Variants in MTHFD1 observed in about 807,000 individuals in gnomAD.
MTHFD1 encodes C-1-tetrahydrofolate synthase, cytoplasmic.
A neutral mutation model predicts 110.3 loss-of-function variants in MTHFD1; 44 were observed. The ratio of observed to expected loss-of-function variants is 0.40; its 90% CI spans 0.31 to 0.51. MTHFD1 has a LOEUF of 0.51. MTHFD1 is among the 20% of genes least tolerant of loss of function. The probability of loss-of-function intolerance (pLI) is 0.60; values close to 1 mark genes in which losing one functional copy is unlikely to be tolerated. For synonymous variants in MTHFD1, 402 were observed against 428.8 expected (o/e 0.94, Z 0.77); for missense variants, 909 against 1,173.1 (o/e 0.77, Z 3.29).
chr14:64,411,399 C>T (rs565935116), intron 3 of MTHFD1, among the ~76,000 whole-genome samples: 30 of 152,246 alleles, frequency 2.0e-4, no homozygotes, highest in Non-Finnish European at 2.9e-4. Context: ...TGACAAGTCT[C>T]GATCATTTTA....
chr14:64,444,088 C>T (rs913448244), intron 21 of MTHFD1, among the ~76,000 whole-genome samples: 3 of 150,800 alleles, frequency 2.0e-5, no homozygotes, highest in African/African-American at 4.9e-5. Context: ...AGGGCTGAGC[C>T]ACGGCATAGA....
Position 64,435,559 on chromosome 14 carries a change from A to G in MTHFD1, c.1495-10A>G. On this transcript the variant is annotated splice_polypyrimidine_tract_variant and intron_variant, in intron 15 of 27. Transcript: ENST00000652337. Reference sequence around the variant, plus strand: ...TCTTATTTTATGTTTTCATTTTCCTACACTTTCAGAGACTAGGCATTGAAA... The same window carrying G: ...TCTTATTTTATGTTTTCATTTTCCTGCACTTTCAGAGACTAGGCATTGAAA... 6.5e-7 allele frequency: 1 copy of G among 1,538,996 alleles called. No homozygotes were observed. Among genetic ancestry groups the G allele is most frequent in the Non-Finnish European group, 9.0e-7 (1 of 1,111,882 alleles).
Position 64,417,845 on chromosome 14 carries a change from G to C in MTHFD1, c.479-43G>C, listed in dbSNP as rs767222720. On this transcript the variant is annotated intron_variant, in intron 6 of 27. Coordinates refer to ENST00000652337, the MANE Select transcript of MTHFD1 (RefSeq NM_005956.4). The surrounding 1 kb of genome is among the most constrained non-coding windows in gnomAD (Gnocchi z 4.4). The stretch of plus-strand genomic sequence containing the variant: ...TCCACGTGGCATGCGAAGGAGGGCA[G>C]CTTCTATCCTCCAACTCTGATGCAG... 6.2e-7 allele frequency: 1 copy of C among 1,611,680 alleles called. No individual in the cohort carries two copies. The highest frequency in any genetic ancestry group is 1.3e-5 in the African/African-American group (1 of 74,874).
At chr14:64,404,299 C>T (rs1319096233) in intron 2 of MTHFD1, among the ~76,000 whole-genome samples, 3 of 152,152 alleles carry the variant, frequency 2.0e-5, no homozygotes, top group Non-Finnish European at 2.9e-5. Flanking sequence ...TTGCTCATCA[C>T]CCTAATACCT....
chr14:64,456,627 T>C (rs1596570491), intron 26 of MTHFD1, among the ~76,000 whole-genome samples: 1 of 152,196 alleles, frequency 6.6e-6, no homozygotes, highest in African/African-American at 2.4e-5. Flanking sequence ...TTTATCTTTA[T>C]AATGTCATCT....
chr14:64,459,885 G>A lies in MTHFD1; in HGVS notation c.*131G>A. ...CTGCCCAGAAGATCTGAAACTAATA[G>A]TAGGAGTTTCCCCAGAAGTCATTTT... On this transcript the variant is annotated 3_prime_UTR_variant, in exon 28 of 28. Transcript: ENST00000652337. The A allele has an allele frequency of 2.0e-6, 3 of 1,536,002 alleles. No individual in the cohort carries two copies. The highest frequency in any genetic ancestry group is 2.6e-6 in the Non-Finnish European group (3 of 1,146,784).
chr14:64,430,279 G>C (rs528076321), intron 13 of MTHFD1, 49 bp downstream of exon 13: 77 of 1,534,386 alleles, frequency 5.0e-5, no homozygotes, highest in African/African-American at 1.1e-4. Flanking sequence ...TTTTTTGTCG[G>C]GGGGGAGGGT....
chr14:64,411,639 C>T (rs1185544299), intron 3 of MTHFD1, among the ~76,000 whole-genome samples: 2 of 152,164 alleles, frequency 1.3e-5, no homozygotes, highest in Non-Finnish European at 2.9e-5. Flanking sequence ...GTGGCTCACG[C>T]CAGTAATCCC....
Position 64,431,768 on chromosome 14 carries a change from C to T in MTHFD1, c.1420-19C>T, listed in dbSNP as rs970497421. The T allele has an allele frequency of 3.7e-6, 6 of 1,612,720 alleles. No individual in the cohort carries two copies. The highest frequency in any genetic ancestry group is 5.1e-6 in the Non-Finnish European group (6 of 1,178,834). On this transcript the variant is annotated intron_variant, in intron 14 of 27. Transcript: ENST00000652337. ...CAGTGGGGCTCCTCTCATTTTAAAG[C>T]CCCTTTCTTTTCTTTAAGGCTCTCT...
intron 26 of MTHFD1, among the ~76,000 whole-genome samples, chr14:64,457,307 C>T (rs1002854627): frequency 2.0e-5 from 3 of 152,118 alleles, no homozygotes; most frequent in African/African-American, 4.8e-5. Context: ...GCTGAGGAGG[C>T]GAGTGAGCAA....
Position 64,424,884 on chromosome 14 carries a change from C to T in MTHFD1, c.808C>T (p.Pro270Ser). The T allele has an allele frequency of 1.2e-6, 2 of 1,614,202 alleles. No homozygotes were observed. The highest frequency in any genetic ancestry group is 1.7e-6 in the Non-Finnish European group (2 of 1,180,046). Reference protein sequence around the residue: ...EAKERASFITPVPGGVGPMTV... With the variant: ...EAKERASFITSVPGGVGPMTV... Reference sequence around the variant, plus strand: ...CAAAGAGAGGGCGAGCTTCATCACTCCTGTTCCTGGCGGCGTAGGGCCCAT... The same window carrying T: ...CAAAGAGAGGGCGAGCTTCATCACTTCTGTTCCTGGCGGCGTAGGGCCCAT... The change falls in exon 9 of 28, where the codon CCT becomes TCT. Residue 270 changes from proline (P) to serine (S), a missense_variant. By Grantham distance (74) the Pro-to-Ser change is moderately conservative (BLOSUM62 -1). This residue lies in a region of MTHFD1 where 424 missense variants were observed against 510.4 expected (regional missense o/e 0.83). Coordinates refer to ENST00000652337, the MANE Select transcript of MTHFD1 (RefSeq NM_005956.4).
At chr14:64,435,010 C>T (rs3783727) in intron 15 of MTHFD1, among the ~76,000 whole-genome samples, 44,232 of 134,142 alleles carry the variant, frequency 0.33, 6,919 homozygotes, top group East Asian at 0.47. Context: ...AGTGCAGTGG[C>T]GTGATCTTGG....
At chr14:64,457,575 C>T (rs2078496024) in intron 26 of MTHFD1, among the ~76,000 whole-genome samples, 1 of 151,952 alleles carries the variant, frequency 6.6e-6, no homozygotes, top group South Asian at 2.1e-4. Flanking sequence ...CCTGCCTCAG[C>T]CTCCCAAGTA....
At chr14:64,406,105 C>A (rs2077934088) in intron 2 of MTHFD1, among the ~76,000 whole-genome samples, 1 of 150,994 alleles carries the variant, frequency 6.6e-6, no homozygotes, top group Non-Finnish European at 1.5e-5. Flanking sequence ...ATGGCACGAT[C>A]TCGGCGCACT....
intron 24 of MTHFD1, 135 bp from the exon 25 acceptor site, chr14:64,453,619 T>C (rs2078415023): frequency 5.8e-6 from 4 of 685,960 alleles, no homozygotes; most frequent in Non-Finnish European, 1.1e-5. Context: ...CCTCAAACTA[T>C]TTGCTTATGT....
At chr14:64,440,912 C>A in intron 18 of MTHFD1, 1 of 254,100 alleles carries the variant, frequency 3.9e-6, no homozygotes, top group Admixed American at 5.0e-5. Context: ...GCAACTTTGG[C>A]CAGGCGTGGT....
chr14:64,439,074 A>G (rs2078228110), intron 16 of MTHFD1, 22 bp from the exon 17 acceptor site: 4 of 1,594,632 alleles, frequency 2.5e-6, no homozygotes, highest in Non-Finnish European at 3.4e-6. Context: ...AAATCGTTCT[A>G]TATCTTGCCT....
intron 19 of MTHFD1, 189 bp downstream of exon 19, chr14:64,441,642 T>C (rs868663784): frequency 6.6e-6 from 4 of 602,060 alleles, no homozygotes; most frequent in Admixed American, 2.5e-5. Context: ...CCGTCTCTAC[T>C]AAAAATACAA....
In MTHFD1 at chr14:64,427,633, T is replaced by G. The variant is rs571700599; in HGVS notation, c.1264+160T>G. 9.8e-5 allele frequency among the ~76,000 whole-genome samples: 15 copies of G among 152,344 alleles called. 1 individual carries two copies. The highest frequency in any genetic ancestry group is 3.4e-4 in the African/African-American group (14 of 41,590). On this transcript the variant is annotated intron_variant, in intron 12 of 27. Transcript: ENST00000652337. ...CTGTAGTCATGCTTTTGATGAAGGC[T>G]GTCATTGGATCTCCCCAGCTCCTGC... is the stretch of plus-strand genomic sequence containing the variant.
Sources: gnomAD v4.1 joint callset for allele counts (sites outside exome capture counted in the v4.1 genomes callset) on GRCh38, gnomAD v4.1.1 for gene constraint, gnomAD v4.1.1 regional missense constraint, Gnocchi (gnomAD v3.1) non-coding constraint, MANE v1.5 for transcripts, NCBI Gene and HGNC (gene_info 2026-07-23, HGNC 2026-07-21) for gene names.